DCC: variants seen among roughly 807,000 people sequenced by gnomAD.
DCC encodes the protein netrin receptor DCC.
DCC carries 58 observed loss-of-function variants against 172.5 expected under a neutral mutation model. That is an observed-to-expected ratio of 0.34 (90% CI 0.27 to 0.42). The LOEUF (loss-of-function observed/expected upper bound fraction) is 0.42. Ranked by LOEUF, DCC falls within the 10% of genes least tolerant of loss-of-function variation. DCC has a pLI of 1.00. For missense variants in DCC, 1,740 were observed against 1,791.0 expected (o/e 0.97, Z 0.51); for synonymous variants, 709 against 644.5 (o/e 1.10, Z -1.52).
chr18:52,759,133 T>C (rs2037120055), intron 2 of DCC: 1 of 152,178 alleles, frequency 6.6e-6, no homozygotes, highest in Non-Finnish European at 1.5e-5. Context: ...TCTTTAATTT[T>C]ATTGCTAAAT....
chr18:53,100,307 A>C (rs764698385), intron 7 of DCC, among the ~76,000 whole-genome samples: 48 of 152,038 alleles, frequency 3.2e-4, no homozygotes, highest in Non-Finnish European at 5.0e-4. Context: ...GAGTAAGGGG[A>C]GTTTTTGTGA....
intron 1 of DCC, among the ~76,000 whole-genome samples, chr18:52,356,695 C>G (rs1984378382): frequency 6.6e-6 from 1 of 152,168 alleles, no homozygotes; most frequent in African/African-American, 2.4e-5. Context: ...TAAGTTATCT[C>G]ACATGTGTTA....
intron 1 of DCC, among the ~76,000 whole-genome samples, chr18:52,360,643 C>T (rs1598860959): frequency 6.6e-6 from 1 of 151,978 alleles, no homozygotes; most frequent in Non-Finnish European, 1.5e-5. Flanking sequence ...AATCAATAAC[C>T]CAATTTTCTC....
chr18:52,795,916 ATTG>A (rs142005778), intron 2 of DCC, among the ~76,000 whole-genome samples: 6,546 of 152,042 alleles, frequency 0.043, 221 homozygotes, highest in South Asian at 0.16. Context: ...TCTATTAAAT[ATTG>A]TTCAATAATG....
In DCC at chr18:52,818,418, TAA is replaced by T. The variant is rs55812629; in HGVS notation, c.412+66064_412+66065del. On this transcript the variant is annotated intron_variant, in intron 2 of 28. Transcript: ENST00000442544. The stretch of plus-strand genomic sequence containing the variant: ...CAGAATGAGACCCTGTCTCAAAAAG[TAA>T]AAAAAAAAAAAAAAAAAAATTTAAA... Among the ~76,000 whole-genome samples, 245 of 97,064 alleles carry T rather than the reference TAA, an allele frequency of 2.5e-3. No individual in the cohort carries two copies. The Middle Eastern group carries it at 0.028, about 11-fold the overall frequency. 63.7% of individuals were successfully genotyped at this position (97,064 alleles called of 152,430 possible). A position where few individuals can be genotyped will look rare whatever the true frequency, so the allele number is the denominator to read the frequency against.
At chr18:53,342,143 T>C (rs1354679348) in intron 15 of DCC, among the ~76,000 whole-genome samples, 1 of 152,048 alleles carries the variant, frequency 6.6e-6, no homozygotes, top group Non-Finnish European at 1.5e-5. Flanking sequence ...ATCTATTTCA[T>C]GAGAGAGCAA....
intron 1 of DCC, among the ~76,000 whole-genome samples, chr18:52,597,720 T>C (rs918004708): frequency 1.3e-5 from 2 of 152,066 alleles, no homozygotes; most frequent in African/African-American, 2.4e-5. Context: ...TGGTGAGAAA[T>C]AGAATAATTG....
chr18:52,940,692 T>A (rs1598952196), intron 5 of DCC, among the ~76,000 whole-genome samples: 1 of 152,284 alleles, frequency 6.6e-6, no homozygotes, highest in Non-Finnish European at 1.5e-5. Context: ...GGAAATATAA[T>A]ACAAACTATG....
At chr18:53,066,766 G>A (rs1213027523) in intron 7 of DCC, among the ~76,000 whole-genome samples, 1 of 151,872 alleles carries the variant, frequency 6.6e-6, no homozygotes, top group Non-Finnish European at 1.5e-5. Flanking sequence ...TCTGAGACTG[G>A]GTAATTTATA....
chr18:53,400,861 A>G (rs1909253872), intron 18 of DCC, among the ~76,000 whole-genome samples: 1 of 152,174 alleles, frequency 6.6e-6, no homozygotes, highest in South Asian at 2.1e-4. Context: ...CAATCTAATC[A>G]TCCTCATTTG....
At chr18:52,633,598 A>G (rs563687001) in intron 1 of DCC, among the ~76,000 whole-genome samples, 1 of 152,340 alleles carries the variant, frequency 6.6e-6, no homozygotes, top group East Asian at 1.9e-4. Flanking sequence ...TGAACTTTTG[A>G]TTTTTAAAAA....
intron 14 of DCC, among the ~76,000 whole-genome samples, chr18:53,326,100 A>G (rs986274232): frequency 2.0e-5 from 3 of 152,234 alleles, no homozygotes; most frequent in African/African-American, 2.4e-5. Context: ...TTCCACACAA[A>G]TATCAACTTT....
At chr18:52,476,054 G>A (rs1414196056) in intron 1 of DCC, among the ~76,000 whole-genome samples, 2 of 152,118 alleles carry the variant, frequency 1.3e-5, no homozygotes, top group East Asian at 1.9e-4. Flanking sequence ...AACAACTGAA[G>A]CAAAGCTCCA....
intron 1 of DCC, among the ~76,000 whole-genome samples, chr18:52,449,393 T>G (rs946321979): frequency 6.6e-6 from 1 of 152,196 alleles, no homozygotes; most frequent in African/African-American, 2.4e-5. Flanking sequence ...TTTCAGGGAT[T>G]TGCAGATACC....
intron 21 of DCC, among the ~76,000 whole-genome samples, chr18:53,419,855 A>AT (rs907086676): frequency 1.6e-4 from 24 of 151,156 alleles, no homozygotes; most frequent in African/African-American, 3.2e-4. Context: ...ATTTTTATTT[A>AT]TTTTTTTTAA....
At chr18:52,531,534 A>G (rs1377320346) in intron 1 of DCC, among the ~76,000 whole-genome samples, 2 of 152,166 alleles carry the variant, frequency 1.3e-5, no homozygotes, top group African/African-American at 4.8e-5. Flanking sequence ...TTGCCTAGAG[A>G]GATGTTTACT....
intron 1 of DCC, among the ~76,000 whole-genome samples, chr18:52,359,897 C>A (rs916853611): frequency 6.6e-6 from 1 of 151,992 alleles, no homozygotes; most frequent in Non-Finnish European, 1.5e-5. Flanking sequence ...AGTGAGACAC[C>A]AAAAAGTTGG....
chr18:52,954,516 C>T (rs1222760250), intron 5 of DCC, among the ~76,000 whole-genome samples: 1 of 152,118 alleles, frequency 6.6e-6, no homozygotes, highest in African/African-American at 2.4e-5. Context: ...AAGCAAGAAA[C>T]AACATATTTT....
chr18:52,823,813 T>C (rs1386751912), intron 2 of DCC, among the ~76,000 whole-genome samples: 3 of 152,112 alleles, frequency 2.0e-5, no homozygotes. Flanking sequence ...CTGTACGGGA[T>C]ACATAATGGG....
Sources: gnomAD v4.1 joint callset for allele counts (sites outside exome capture counted in the v4.1 genomes callset) on GRCh38, gnomAD v4.1.1 for gene constraint, MANE v1.5 for transcripts, NCBI Gene and HGNC (gene_info 2026-07-23, HGNC 2026-07-21) for gene names.